The following LRP6 variants were observed in gnomAD, a reference collection of about 807,000 sequenced individuals.
LRP6 encodes LDL receptor related protein 6.
LRP6 carries 43 observed loss-of-function variants against 184.1 expected under a neutral mutation model. That is an observed-to-expected ratio of 0.23 (90% confidence interval 0.18 to 0.30). The LOEUF is 0.30. Ranked by LOEUF, LRP6 falls within the 10% of genes least tolerant of loss-of-function variation. LRP6 has a pLI of 1.00. For missense variants in LRP6, 1,571 were observed against 2,005.3 expected, an observed-to-expected ratio of 0.78 and a Z score of 4.14; for synonymous variants, 719 against 684.9, an observed-to-expected ratio of 1.05 and a Z score of -0.78.
At chr12:12,163,876 G>A (rs1862801964) in intron 9 of LRP6, among the ~76,000 whole-genome samples, 1 of 152,194 alleles carries the variant, frequency 6.6e-6, no homozygotes, top group Admixed American at 6.5e-5. Flanking sequence ...GCTCACGCCT[G>A]TAATCCCAGC....
Position 12,121,169 on chromosome 12 carries a change from T to TG in LRP6, c.4798dup (p.His1600ProfsTer30). On this transcript the variant is annotated frameshift_variant, in exon 23 of 23. Coordinates refer to ENST00000261349, the MANE Select transcript of LRP6 (RefSeq NM_002336.3). LOFTEE classifies it high-confidence loss of function. The stretch of plus-strand genomic sequence containing the variant: ...GGGAGAGGGTGGCGGTGGGTAGAGG[T>TG]GATGAGAATAGCTCCTCTCTGTGTA... 6.2e-7 allele frequency: 1 copy of TG among 1,613,266 alleles called. No individual in the cohort carries two copies. Among genetic ancestry groups the TG allele is most frequent in the Non-Finnish European group, 8.5e-7 (1 of 1,179,762 alleles).
At chr12:12,263,815 C>A (rs1352109937) in intron 1 of LRP6, among the ~76,000 whole-genome samples, 6 of 151,834 alleles carry the variant, frequency 4.0e-5, no homozygotes, top group African/African-American at 1.5e-4. Flanking sequence ...GCCTAGGCAA[C>A]AGAGCAAGAC....
At chr12:12,137,390 T>C (rs1301229568) in intron 16 of LRP6, among the ~76,000 whole-genome samples, 1 of 152,168 alleles carries the variant, frequency 6.6e-6, no homozygotes, top group Non-Finnish European at 1.5e-5. Context: ...CCAAGATGAC[T>C]AGCCATTTTC....
rs1031516061 is a variant in LRP6, at chr12:12,116,839, G to C, written c.*4287C>G. 5 of 152,130 alleles carry C rather than the reference G, an allele frequency of 3.3e-5. No individual in the cohort carries two copies. The highest frequency in any genetic ancestry group is 1.2e-4 in the African/African-American group (5 of 41,428). The allele number at this position is 152,130 out of a possible 1,614,324, so 9.4% of individuals were successfully genotyped here. A position where few individuals can be genotyped will look rare whatever the true frequency, so the allele number is the denominator to read the frequency against. On this transcript the variant is annotated 3_prime_UTR_variant, in exon 23 of 23. Coordinates refer to ENST00000261349, the MANE Select transcript of LRP6 (RefSeq NM_002336.3). ...CCTCAATTGAAAGAGGGTGAGGGTA[G>C]AGTCAGTAACTGATTAACCTAAGAC...
At chr12:12,203,640 T>C (rs1169765734) in intron 2 of LRP6, among the ~76,000 whole-genome samples, 1 of 152,070 alleles carries the variant, frequency 6.6e-6, no homozygotes, top group Non-Finnish European at 1.5e-5. Flanking sequence ...TGGTGGTGTG[T>C]GCCTGTAGTC....
Position 12,149,304 on chromosome 12 carries a change from G to A in LRP6, c.2995-151C>T, listed in dbSNP as rs1027865584. 2.0e-5 allele frequency: 14 copies of A among 698,642 alleles called. No individual in the cohort carries two copies. In the African/African-American group the frequency reaches 2.1e-4, roughly 11 times the overall value. 43.3% of individuals were successfully genotyped at this position (698,642 alleles called of 1,614,324 possible). Reference sequence around the variant, plus strand: ...ATTTCTTACTGATACCTTTTTTTATGGGTAATGTGCTTCTTTGTTAATACA... The same window carrying A: ...ATTTCTTACTGATACCTTTTTTTATAGGTAATGTGCTTCTTTGTTAATACA... On this transcript the variant is annotated intron_variant, in intron 13 of 22. Transcript: ENST00000261349.
intron 2 of LRP6, among the ~76,000 whole-genome samples, chr12:12,232,362 C>T (rs1306216618): frequency 6.8e-6 from 1 of 148,082 alleles, no homozygotes; most frequent in African/African-American, 2.5e-5. Flanking sequence ...CCAGCCTGGG[C>T]GACAGAGTGA....
At chr12:12,191,738 G>A (rs1863620665) in intron 3 of LRP6, among the ~76,000 whole-genome samples, 1 of 151,804 alleles carries the variant, frequency 6.6e-6, no homozygotes, top group East Asian at 1.9e-4. Context: ...CACAAGTGAG[G>A]GGACAGAACT....
intron 9 of LRP6, among the ~76,000 whole-genome samples, chr12:12,162,810 T>C (rs1026595642): frequency 1.2e-4 from 18 of 152,208 alleles, no homozygotes; most frequent in Non-Finnish European, 2.6e-4. Context: ...GCCTACCATA[T>C]AAATGAATGT....
chr12:12,234,614 C>T (rs1290904026), intron 2 of LRP6, among the ~76,000 whole-genome samples: 1 of 152,026 alleles, frequency 6.6e-6, no homozygotes, highest in Non-Finnish European at 1.5e-5. Flanking sequence ...GGGTGAATCA[C>T]GAGGTCAGGA....
At chr12:12,139,892 C>T (rs950473798) in intron 15 of LRP6, among the ~76,000 whole-genome samples, 2 of 152,106 alleles carry the variant, frequency 1.3e-5, no homozygotes, top group African/African-American at 4.8e-5. Flanking sequence ...TAAAGGCCTA[C>T]AGCCAGTGAA....
Position 12,244,599 on chromosome 12 carries a change from T to C in LRP6, c.112A>G (p.Asn38Asp), listed in dbSNP as rs2135917852. Residue 38 changes from asparagine to aspartate, a missense_variant, in exon 2 of 23, where the codon AAT becomes GAT. Coordinates refer to ENST00000261349, the MANE Select transcript of LRP6 (RefSeq NM_002336.3). Reference protein sequence around the residue: ...RRDLRLVDATNGKENATIVVG... With the variant: ...RRDLRLVDATDGKENATIVVG... ...ACAATCGTAGCATTCTCTTTGCCAT[T>C]TGTAGCATCAACCAATCGCAAGTCC... 3 of 1,614,142 alleles carry C rather than the reference T, an allele frequency of 1.9e-6. No individual in the cohort carries two copies. Among genetic ancestry groups the C allele is most frequent in the Non-Finnish European group, 2.5e-6 (3 of 1,180,000 alleles).
intron 7 of LRP6, among the ~76,000 whole-genome samples, chr12:12,169,236 T>C (rs1413577381): frequency 6.7e-6 from 1 of 150,124 alleles, no homozygotes; most frequent in Non-Finnish European, 1.5e-5. Context: ...CTCAAAATGA[T>C]AATAATAATA....
chr12:12,129,309 T>C (rs2136856116), intron 19 of LRP6, among the ~76,000 whole-genome samples: 1 of 152,278 alleles, frequency 6.6e-6, no homozygotes, highest in East Asian at 1.9e-4. Flanking sequence ...CCACTCCCCA[T>C]TGTTAATATT....
chr12:12,204,475 C>G (rs1003557061), intron 2 of LRP6, among the ~76,000 whole-genome samples: 2 of 151,914 alleles, frequency 1.3e-5, no homozygotes, highest in Non-Finnish European at 2.9e-5. Flanking sequence ...ATGTTAATTT[C>G]CTAAATATGC....
At chr12:12,127,688 G>A (rs1949691761) in intron 19 of LRP6, among the ~76,000 whole-genome samples, 1 of 152,186 alleles carries the variant, frequency 6.6e-6, no homozygotes, top group Admixed American at 6.5e-5. Flanking sequence ...TAGAGGGAAA[G>A]TGAGCTTATT....
chr12:12,241,373 A>G (rs937012271), intron 2 of LRP6, among the ~76,000 whole-genome samples: 1 of 152,222 alleles, frequency 6.6e-6, no homozygotes, highest in Non-Finnish European at 1.5e-5. Flanking sequence ...CTTTTCAACT[A>G]AAACCACAAT....
rs1454139855 is a variant in LRP6 at position 12,187,028 on chromosome 12, T to C, written c.739A>G (p.Ile247Val). ...CCAGTATACTTGTTGCAAGCCAAAA[T>C]GGAGTGTGTGCTCCAGTCAGTCCAG... ...LYWTDWSTHSILACNKYTGEG... is the reference protein window; with the variant it reads ...LYWTDWSTHSVLACNKYTGEG... The change falls in exon 4 of 23, where the codon ATT becomes GTT. Residue 247 changes from isoleucine (I) to valine (V), a missense_variant. By Grantham distance (29) the Ile-to-Val change is conservative. Coordinates refer to ENST00000261349, the MANE Select transcript of LRP6 (RefSeq NM_002336.3). 3 of 1,614,074 alleles carry C rather than the reference T, an allele frequency of 1.9e-6. No individual in the cohort carries two copies. Among genetic ancestry groups the C allele is most frequent in the South Asian group, 2.2e-5 (2 of 91,092 alleles).
rs1055202963 is a variant in LRP6, at chr12:12,183,907, G to A, written c.976+73C>T. 3.5e-6 allele frequency: 5 copies of A among 1,411,096 alleles called. No individual in the cohort carries two copies. The African/African-American group carries it at 7.1e-5, about 20-fold the overall frequency. The allele number at this position is 1,411,096 out of a possible 1,614,324, so 87.4% of individuals were successfully genotyped here. ...CCAAAGCAGTATAACCTAGAGAGCT[G>A]ATTATAGAGAAAACAAATCATGAAG... is the stretch of plus-strand genomic sequence containing the variant. On this transcript the variant is annotated intron_variant, in intron 5 of 22. Coordinates refer to ENST00000261349, the MANE Select transcript of LRP6 (RefSeq NM_002336.3).
Sources: gnomAD v4.1 joint callset for allele counts (sites outside exome capture counted in the v4.1 genomes callset) on GRCh38, gnomAD v4.1.1 for gene constraint, MANE v1.5 for transcripts, NCBI Gene and HGNC (gene_info 2026-07-23, HGNC 2026-07-21) for gene names.